SORCS2: variants seen among roughly 807,000 people sequenced by gnomAD.
SORCS2 encodes sortilin related VPS10 domain containing receptor 2.
In SORCS2, 100 loss-of-function variants were observed where a neutral mutation model predicts 141.6. The ratio of observed to expected loss-of-function variants is 0.71; its 90% CI spans 0.60 to 0.83. The LOEUF (loss-of-function observed/expected upper bound fraction) is 0.83, where lower values mean the gene tolerates loss of function less well. Ranked by LOEUF, SORCS2 falls within the 40% of genes least tolerant of loss-of-function variation. The pLI is 0.00. For synonymous variants in SORCS2, 789 were observed against 676.9 expected (o/e 1.17, Z -2.57); for missense variants, 1,646 against 1,560.2 (o/e 1.05, Z -0.93).
intron 2 of SORCS2, among the ~76,000 whole-genome samples, chr4:7,443,245 C>T (rs538265753): frequency 6.5e-4 from 99 of 152,312 alleles, no homozygotes; most frequent in South Asian, 3.1e-3. Context: ...GGATTCTGGG[C>T]GCTGGTGACC....
intron 1 of SORCS2, among the ~76,000 whole-genome samples, chr4:7,394,031 G>A (rs28576748): frequency 0.15 from 22,118 of 152,070 alleles, 1,756 homozygotes; most frequent in Non-Finnish European, 0.18. Flanking sequence ...CTTCCTGGGC[G>A]ACCTCCTTGT....
chr4:7,418,769 G>T (rs1189870384), intron 2 of SORCS2, among the ~76,000 whole-genome samples: 1 of 149,918 alleles, frequency 6.7e-6, no homozygotes, highest in Non-Finnish European at 1.5e-5. Flanking sequence ...TTCTGTGAAT[G>T]GGCAATGTGG....
At chr4:7,493,398 G>A (rs1408766765) in intron 2 of SORCS2, among the ~76,000 whole-genome samples, 2 of 152,162 alleles carry the variant, frequency 1.3e-5, no homozygotes, top group Non-Finnish European at 2.9e-5. Context: ...TTCGTGGAGG[G>A]GCACAGCAGC....
chr4:7,576,029 A>G (rs894855655), intron 3 of SORCS2, among the ~76,000 whole-genome samples: 2 of 152,278 alleles, frequency 1.3e-5, no homozygotes, highest in African/African-American at 4.8e-5. Flanking sequence ...GAGATGTCAC[A>G]TATCAGTGAA....
At chr4:7,689,415 C>T in intron 10 of SORCS2, 71 bp from the exon 11 acceptor site, 1 of 1,446,270 alleles carries the variant, frequency 6.9e-7, no homozygotes, top group Non-Finnish European at 9.4e-7. Flanking sequence ...GCAGATTTGT[C>T]ATCAGGCTTA....
intron 9 of SORCS2, among the ~76,000 whole-genome samples, chr4:7,682,058 G>A (rs1240473915): frequency 6.6e-6 from 1 of 152,156 alleles, no homozygotes; most frequent in African/African-American, 2.4e-5. Context: ...AAACCACTCG[G>A]TTGAACTATG....
intron 1 of SORCS2, among the ~76,000 whole-genome samples, chr4:7,242,510 C>T (rs916509023): frequency 6.6e-6 from 1 of 152,006 alleles, no homozygotes; most frequent in African/African-American, 2.4e-5. Flanking sequence ...TCTTCTGAAT[C>T]AATCCCTGAA....
At chr4:7,636,399 T>G (rs1025755245) in intron 3 of SORCS2, among the ~76,000 whole-genome samples, 2 of 152,186 alleles carry the variant, frequency 1.3e-5, no homozygotes, top group East Asian at 1.9e-4. Flanking sequence ...ATGAATGAAT[T>G]AATGAAGGAA....
chr4:7,373,997 G>A (rs192739870), intron 1 of SORCS2, among the ~76,000 whole-genome samples: 1 of 152,136 alleles, frequency 6.6e-6, no homozygotes, highest in Admixed American at 6.5e-5. Flanking sequence ...AAGGCACAAA[G>A]ATTTCTTCCC....
At chr4:7,234,970 G>C (rs144389388) in intron 1 of SORCS2, among the ~76,000 whole-genome samples, 1 of 152,258 alleles carries the variant, frequency 6.6e-6, no homozygotes, top group Admixed American at 6.5e-5. Context: ...TGTGGAGTGC[G>C]TGGCAGGGGA....
At chr4:7,525,851 AGT>A (rs1264169945) in intron 2 of SORCS2, among the ~76,000 whole-genome samples, 11 of 112,628 alleles carry the variant, frequency 9.8e-5, no homozygotes, top group Non-Finnish European at 1.4e-4. Flanking sequence ...GCCCTCCTGC[AGT>A]CACCTGTCCC....
chr4:7,338,447 A>ATGGATGGATGG (rs1560203710), intron 1 of SORCS2, among the ~76,000 whole-genome samples: 9 of 83,670 alleles, frequency 1.1e-4, no homozygotes, highest in African/African-American at 4.8e-4. Context: ...TGGATGGATG[A>ATGGATGGATGG]ATGGCCTGCC....
intron 3 of SORCS2, among the ~76,000 whole-genome samples, chr4:7,601,877 C>G (rs899823136): frequency 6.6e-5 from 10 of 152,106 alleles, no homozygotes; most frequent in Admixed American, 3.3e-4. Flanking sequence ...TGACTCTTAA[C>G]GAGCATGCTG....
At chr4:7,571,376 G>A (rs1432214517) in intron 3 of SORCS2, among the ~76,000 whole-genome samples, 1 of 152,212 alleles carries the variant, frequency 6.6e-6, no homozygotes. Flanking sequence ...CAAAGACTCA[G>A]AGGTGGGAAA....
At chr4:7,724,748 ATGGTGGTGGTGT>A (rs1727017776) in intron 19 of SORCS2, among the ~76,000 whole-genome samples, 2 of 76,894 alleles carry the variant, frequency 2.6e-5, no homozygotes, top group Non-Finnish European at 4.8e-5. Context: ...AGTAGTGGTG[ATGGTGGTGGTGT>A]TGGTGATGAT....
chr4:7,372,314 T>G (rs902140465), intron 1 of SORCS2, among the ~76,000 whole-genome samples: 1 of 152,180 alleles, frequency 6.6e-6, no homozygotes, highest in Non-Finnish European at 1.5e-5. Context: ...TTTTTTTTGT[T>G]TGTTTGTTTG....
At chr4:7,522,081 C>T (rs1336029234) in intron 2 of SORCS2, among the ~76,000 whole-genome samples, 1 of 152,218 alleles carries the variant, frequency 6.6e-6, no homozygotes, top group Non-Finnish European at 1.5e-5. Flanking sequence ...GCTTCATTAA[C>T]CCTTTGTTCA....
intron 1 of SORCS2, among the ~76,000 whole-genome samples, chr4:7,307,178 C>A (rs1012816696): frequency 1.3e-5 from 2 of 152,194 alleles, no homozygotes; most frequent in Non-Finnish European, 1.5e-5. Context: ...CCCTCACATT[C>A]TCTTCCCCTC....
intron 12 of SORCS2, among the ~76,000 whole-genome samples, chr4:7,699,661 G>A (rs1477620565): frequency 1.3e-5 from 2 of 152,172 alleles, no homozygotes; most frequent in East Asian, 1.9e-4. Flanking sequence ...CGCCCTCAAA[G>A]GGTGGGGAAT....
Sources: allele counts gnomAD v4.1 joint callset (sites outside exome capture counted in the v4.1 genomes callset), GRCh38; gene constraint gnomAD v4.1.1; transcripts MANE v1.5; gene names NCBI Gene and HGNC (gene_info 2026-07-23, HGNC 2026-07-21).